Variants in CCDC148 observed in about 807,000 individuals in gnomAD.
CCDC148 encodes coiled-coil domain containing 148, also known as coiled-coil domain-containing protein 148.
In CCDC148, 89 loss-of-function variants were observed where a neutral mutation model predicts 85.7. That is an observed-to-expected ratio of 1.04 (90% CI 0.87 to 1.24). The LOEUF (loss-of-function observed/expected upper bound fraction) is 1.24, where lower values mean the gene tolerates loss of function less well. Ranked by LOEUF, CCDC148 falls within the 50% of genes most tolerant of loss-of-function variation. The pLI is 0.00. For synonymous variants in CCDC148, 230 were observed against 213.9 expected (o/e 1.08, Z -0.66); for missense variants, 692 against 671.7 (o/e 1.03, Z -0.33).
chr2:158,202,759 T>G (rs754683103), intron 11 of CCDC148, among the ~76,000 whole-genome samples: 8 of 152,234 alleles, frequency 5.3e-5, no homozygotes, highest in Non-Finnish European at 1.2e-4. Context: ...TTTATCTTCT[T>G]TTTTTGACCA....
chr2:158,318,144 C>G (rs1347491564), intron 7 of CCDC148, among the ~76,000 whole-genome samples: 1 of 152,166 alleles, frequency 6.6e-6, no homozygotes, highest in Non-Finnish European at 1.5e-5. Context: ...ATGATCCCAG[C>G]CCAGGCCCAC....
intron 2 of CCDC148, among the ~76,000 whole-genome samples, chr2:158,351,765 T>C (rs1052652218): frequency 2.0e-5 from 3 of 149,652 alleles, no homozygotes; most frequent in African/African-American, 7.5e-5. Context: ...GCTCCACCTC[T>C]GGGGGCAGAG....
At chr2:158,284,876 G>A (rs1574547053) in intron 9 of CCDC148, among the ~76,000 whole-genome samples, 1 of 152,168 alleles carries the variant, frequency 6.6e-6, no homozygotes, top group African/African-American at 2.4e-5. Flanking sequence ...CTGTGTTCAT[G>A]GAGATGAAAG....
chr2:158,177,675 T>C (rs1340163183), intron 12 of CCDC148, among the ~76,000 whole-genome samples: 1 of 152,188 alleles, frequency 6.6e-6, no homozygotes, highest in Non-Finnish European at 1.5e-5. Context: ...ACTAAAATTT[T>C]GTAGGATCCA....
intron 1 of CCDC148, among the ~76,000 whole-genome samples, chr2:158,428,887 A>T (rs1687198854): frequency 2.6e-5 from 4 of 152,174 alleles, no homozygotes; most frequent in Admixed American, 2.6e-4. Context: ...GAACCAACCC[A>T]AATGTCCATC....
intron 11 of CCDC148, among the ~76,000 whole-genome samples, chr2:158,211,100 G>A (rs1686553231): frequency 6.6e-6 from 1 of 151,784 alleles, no homozygotes; most frequent in Non-Finnish European, 1.5e-5. Context: ...TGGGTTGATG[G>A]GTGCAGCAAA....
At chr2:158,244,612 C>T (rs1334941951) in intron 10 of CCDC148, among the ~76,000 whole-genome samples, 1 of 152,096 alleles carries the variant, frequency 6.6e-6, no homozygotes, top group Non-Finnish European at 1.5e-5. Flanking sequence ...CAATGGTGGT[C>T]ACATCCTTCT....
intron 1 of CCDC148, among the ~76,000 whole-genome samples, chr2:158,454,169 G>T (rs1688511260): frequency 6.6e-6 from 1 of 152,022 alleles, no homozygotes; most frequent in Non-Finnish European, 1.5e-5. Flanking sequence ...GGTATTCAAG[G>T]GCCAAAACAT....
chr2:158,449,310 A>C (rs962583075), intron 1 of CCDC148, among the ~76,000 whole-genome samples: 4 of 152,100 alleles, frequency 2.6e-5, no homozygotes, highest in Non-Finnish European at 5.9e-5. Context: ...TTTCCTTTCC[A>C]ATCAATATGA....
intron 11 of CCDC148, among the ~76,000 whole-genome samples, chr2:158,208,572 G>T (rs1428712735): frequency 6.6e-6 from 1 of 152,190 alleles, no homozygotes; most frequent in Non-Finnish European, 1.5e-5. Flanking sequence ...AGGAACAAAG[G>T]CAGTGTTGCC....
chr2:158,285,709 T>G (rs1043511299), intron 9 of CCDC148, among the ~76,000 whole-genome samples: 10 of 151,684 alleles, frequency 6.6e-5, no homozygotes, highest in Non-Finnish European at 1.3e-4. Flanking sequence ...TTTTTTTTTT[T>G]GTATTTTTAG....
chr2:158,456,450 A>G lies in CCDC148; in HGVS notation c.-11T>C, dbSNP rs758024372. The G allele has an allele frequency of 5.0e-6, 8 of 1,610,494 alleles. No individual in the cohort carries two copies. The Admixed American group carries it at 8.4e-5, about 17-fold the overall frequency. On this transcript the variant is annotated 5_prime_UTR_variant, in exon 1 of 14. Coordinates refer to ENST00000283233, the MANE Select transcript of CCDC148 (RefSeq NM_138803.4). The stretch of plus-strand genomic sequence containing the variant: ...AGAAGCTGCACACATGTCAAAGGTC[A>G]AAGGGCATAGCCTCAGGGACTCCCC...
intron 1 of CCDC148, among the ~76,000 whole-genome samples, chr2:158,433,734 T>A (rs1687491190): frequency 6.6e-6 from 1 of 152,172 alleles, no homozygotes; most frequent in Non-Finnish European, 1.5e-5. Flanking sequence ...CAAAGGAAGC[T>A]GTGACAGACG....
chr2:158,422,408 T>G (rs1216361343), intron 1 of CCDC148, among the ~76,000 whole-genome samples: 1 of 152,200 alleles, frequency 6.6e-6, no homozygotes, highest in Non-Finnish European at 1.5e-5. Flanking sequence ...GCTTCATCCC[T>G]GGGATGCAAG....
chr2:158,295,760 C>T (rs945420084), intron 9 of CCDC148, among the ~76,000 whole-genome samples: 17 of 150,182 alleles, frequency 1.1e-4, no homozygotes, highest in Non-Finnish European at 2.5e-4. Flanking sequence ...AAACCCACAG[C>T]CAATATCATA....
At chr2:158,311,482 AG>A (rs1269803780) in intron 8 of CCDC148, among the ~76,000 whole-genome samples, 1 of 152,094 alleles carries the variant, frequency 6.6e-6, no homozygotes, top group African/African-American at 2.4e-5. Context: ...GACGAGGGAG[AG>A]GGGGAGACCG....
intron 9 of CCDC148, among the ~76,000 whole-genome samples, chr2:158,293,630 G>A (rs976979154): frequency 3.9e-5 from 6 of 152,124 alleles, no homozygotes; most frequent in African/African-American, 1.4e-4. Context: ...GAACTATGCT[G>A]ATCAGAGGAC....
intron 1 of CCDC148, among the ~76,000 whole-genome samples, chr2:158,406,856 C>T (rs2543646): frequency 0.031 from 4,781 of 152,022 alleles, 109 homozygotes; most frequent in African/African-American, 0.059. Context: ...CTCCTGAACT[C>T]CAGTGAGTCT....
intron 1 of CCDC148, among the ~76,000 whole-genome samples, chr2:158,424,353 G>A (rs1014412822): frequency 1.1e-4 from 16 of 152,168 alleles, no homozygotes; most frequent in African/African-American, 3.9e-4. Context: ...TTAAGAAAAT[G>A]TGGCACATAT....
Sources: allele counts gnomAD v4.1 joint callset (sites outside exome capture counted in the v4.1 genomes callset), GRCh38; gene constraint gnomAD v4.1.1; transcripts MANE v1.5; gene names NCBI Gene and HGNC (gene_info 2026-07-23, HGNC 2026-07-21).